Variants in NCOR1 observed in about 807,000 individuals in gnomAD.
NCOR1 encodes the protein nuclear receptor corepressor 1, also known as protein phosphatase 1, regulatory subunit 109.
In NCOR1, 63 loss-of-function variants were observed where a neutral mutation model predicts 288.1. The ratio of observed to expected loss-of-function variants is 0.22; its 90% CI spans 0.18 to 0.27. The LOEUF is 0.27. Ranked by LOEUF, NCOR1 falls within the 10% of genes least tolerant of loss-of-function variation. NCOR1 has a pLI of 1.00. For synonymous variants in NCOR1, 1,007 were observed against 1,065.9 expected (o/e 0.94, Z 1.08); for missense variants, 2,397 against 3,019.2 (o/e 0.79, Z 4.83).
chr17:16,208,770 A>G (rs1330036495), intron 1 of NCOR1, among the ~76,000 whole-genome samples: 1 of 152,100 alleles, frequency 6.6e-6, no homozygotes, highest in African/African-American at 2.4e-5. Flanking sequence ...CAGGACTCGG[A>G]GGCTGCATTG....
At chr17:16,157,865 T>C (rs769540488) in intron 6 of NCOR1, among the ~76,000 whole-genome samples, 2 of 150,902 alleles carry the variant, frequency 1.3e-5, no homozygotes, top group Admixed American at 6.6e-5. Flanking sequence ...AAATGATTCA[T>C]AGAATTCATG....
chr17:16,100,319 ATAAT>A (rs751434782), intron 20 of NCOR1, among the ~76,000 whole-genome samples: 2 of 152,176 alleles, frequency 1.3e-5, no homozygotes, highest in Admixed American at 6.5e-5. Flanking sequence ...CATTTTTTGT[ATAAT>A]TAATTAACCT....
intron 42 of NCOR1, chr17:16,044,541 G>C (rs1341231975): frequency 1.8e-5 from 9 of 496,342 alleles, no homozygotes; most frequent in African/African-American, 1.4e-4. Context: ...GGAAGCTAAG[G>C]CCACGTTGGG....
chr17:16,189,042 TAGTC>T (rs1395917043), intron 2 of NCOR1, among the ~76,000 whole-genome samples: 4 of 150,534 alleles, frequency 2.7e-5, no homozygotes, highest in Admixed American at 6.6e-5. Flanking sequence ...CAAAAAAAAA[TAGTC>T]AGTCCTCATC....
intron 42 of NCOR1, chr17:16,044,971 A>G: frequency 1.8e-6 from 1 of 554,874 alleles, no homozygotes; most frequent in Non-Finnish European, 3.2e-6. Flanking sequence ...AATTTCTTAT[A>G]ACGTGTTCAA....
chr17:16,121,387 C>A lies in NCOR1; in HGVS notation c.1635-118G>T, dbSNP rs1159768069. ...GAATAAAACTACCTAATCTCTCACT[C>A]AAAAAAAAAAAATTATCAACAATTC... On this transcript the variant is annotated intron_variant, in intron 15 of 45. Transcript: ENST00000268712. 37 of 552,152 alleles carry A rather than the reference C, an allele frequency of 6.7e-5. No individual in the cohort carries two copies. Among genetic ancestry groups the A allele is most frequent in the South Asian group, 3.7e-4 (9 of 24,100 alleles). 34.2% of individuals were successfully genotyped at this position (552,152 alleles called of 1,614,324 possible).
chr17:16,145,742 C>T (rs1286925349), intron 10 of NCOR1, among the ~76,000 whole-genome samples: 5 of 152,050 alleles, frequency 3.3e-5, no homozygotes, highest in Non-Finnish European at 7.4e-5. Flanking sequence ...CAGTCAGCCG[C>T]CCCATCCGGG....
At chr17:16,059,739 G>T (rs557596648) in intron 37 of NCOR1, among the ~76,000 whole-genome samples, 3 of 152,260 alleles carry the variant, frequency 2.0e-5, no homozygotes, top group Admixed American at 2.0e-4. Flanking sequence ...GCATGGCCCT[G>T]GGCTGGACAC....
chr17:16,187,553 AAAG>A (rs2086931017), intron 2 of NCOR1, among the ~76,000 whole-genome samples: 2 of 151,974 alleles, frequency 1.3e-5, no homozygotes, highest in African/African-American at 4.8e-5. Flanking sequence ...AAAAAAAAAA[AAAG>A]GTCAGGCACA....
chr17:16,064,745 T>C, intron 34 of NCOR1, 125 bp downstream of exon 34: 2 of 934,488 alleles, frequency 2.1e-6, no homozygotes, highest in Non-Finnish European at 3.1e-6. Context: ...GAACTACTAT[T>C]AAATGTTAAA....
intron 42 of NCOR1, among the ~76,000 whole-genome samples, chr17:16,041,722 G>A (rs985127298): frequency 3.3e-5 from 5 of 151,258 alleles, no homozygotes; most frequent in African/African-American, 7.3e-5. Context: ...GCCAGAATGT[G>A]AAATTAATTA....
chr17:16,176,363 G>C (rs761270913), intron 3 of NCOR1, among the ~76,000 whole-genome samples: 3 of 152,056 alleles, frequency 2.0e-5, no homozygotes, highest in Non-Finnish European at 1.5e-5. Context: ...CCACCTCCTG[G>C]GTTCAAGAGA....
At chr17:16,037,557 G>T (rs1397142406) in intron 44 of NCOR1, among the ~76,000 whole-genome samples, 1 of 152,140 alleles carries the variant, frequency 6.6e-6, no homozygotes, top group Non-Finnish European at 1.5e-5. Context: ...GGGACATCAA[G>T]CCTTCTTTAC....
At chr17:16,080,820 T>TA (rs879731007) in intron 23 of NCOR1, 93 bp from the exon 24 acceptor site, 54,732 of 892,898 alleles carry the variant, frequency 0.061, 7 homozygotes, top group South Asian at 0.079. Context: ...CATTTCTGTT[T>TA]AAAAAAAAAA....
chr17:16,069,567 G>A (rs1422459928), intron 31 of NCOR1, among the ~76,000 whole-genome samples: 1 of 152,158 alleles, frequency 6.6e-6, no homozygotes, highest in African/African-American at 2.4e-5. Context: ...GGGTTATAGT[G>A]ACAACAATAA....
rs967142030 is a variant in NCOR1, at chr17:16,030,468, A to G, written c.*1828T>C. ...TAGGTTGGCAATATAAATTATTAAC[A>G]AACTCTAAAATATTACCAGTACCTG... On this transcript the variant is annotated 3_prime_UTR_variant, in exon 46 of 46. Coordinates refer to ENST00000268712, the MANE Select transcript of NCOR1 (RefSeq NM_006311.4). 1.5e-5 allele frequency: 3 copies of G among 205,792 alleles called. No homozygotes were observed. The highest frequency in any genetic ancestry group is 3.0e-5 in the Non-Finnish European group (3 of 100,686). The allele number at this position is 205,792 out of a possible 1,614,324, so 12.7% of individuals were successfully genotyped here.
chr17:16,180,152 T>A (rs1031811385), intron 3 of NCOR1, among the ~76,000 whole-genome samples: 4 of 151,884 alleles, frequency 2.6e-5, no homozygotes, highest in African/African-American at 9.7e-5. Flanking sequence ...AAAGAAAACA[T>A]AAAAATGGCC....
intron 15 of NCOR1, 73 bp downstream of exon 15, chr17:16,126,009 C>A: frequency 1.3e-6 from 1 of 793,678 alleles, no homozygotes; most frequent in Non-Finnish European, 1.9e-6. Context: ...AACTGTACTC[C>A]CTATATCTAC....
intron 1 of NCOR1, among the ~76,000 whole-genome samples, chr17:16,197,732 T>G (rs1189879976): frequency 6.6e-6 from 1 of 152,182 alleles, no homozygotes; most frequent in Non-Finnish European, 1.5e-5. Context: ...TAAAACCACC[T>G]GAGGAGCTTT....
Sources: gnomAD v4.1 joint callset for allele counts (sites outside exome capture counted in the v4.1 genomes callset) on GRCh38, gnomAD v4.1.1 for gene constraint, MANE v1.5 for transcripts, NCBI Gene and HGNC (gene_info 2026-07-23, HGNC 2026-07-21) for gene names.